Variants in ZSWIM6 observed in about 807,000 individuals in gnomAD.
ZSWIM6 encodes the protein zinc finger SWIM domain-containing protein 6.
ZSWIM6 carries 9 observed loss-of-function variants against 113.2 expected under a neutral mutation model. That is an observed-to-expected ratio of 0.08 (90% CI 0.05 to 0.14). ZSWIM6 has a LOEUF of 0.14. Among genes scored for constraint, ZSWIM6 ranks in the 10% least tolerant of loss-of-function variants. The probability of loss-of-function intolerance (pLI) is 1.00; values close to 1 mark genes in which losing one functional copy is unlikely to be tolerated. For missense variants in ZSWIM6, 1,162 were observed against 1,552.2 expected (o/e 0.75, Z 4.22); for synonymous variants, 611 against 606.5 (o/e 1.01, Z -0.11).
chr5:61,448,003 G>T (rs1035872155), intron 1 of ZSWIM6, among the ~76,000 whole-genome samples: 1 of 152,184 alleles, frequency 6.6e-6, no homozygotes, highest in Non-Finnish European at 1.5e-5. Flanking sequence ...GAGGGGTCTG[G>T]TGTCTCATTA....
At chr5:61,447,731 T>C (rs1307538059) in intron 1 of ZSWIM6, among the ~76,000 whole-genome samples, 1 of 152,170 alleles carries the variant, frequency 6.6e-6, no homozygotes, top group Non-Finnish European at 1.5e-5. Context: ...TGCTAGAGGT[T>C]TGTTTTAGGT....
chr5:61,536,451 A>C (rs752885026), intron 10 of ZSWIM6, among the ~76,000 whole-genome samples: 2 of 152,194 alleles, frequency 1.3e-5, no homozygotes, highest in Admixed American at 6.5e-5. Flanking sequence ...AATTAATAAA[A>C]CACTCCTGTG....
intron 1 of ZSWIM6, among the ~76,000 whole-genome samples, chr5:61,437,341 A>G (rs1746730387): frequency 6.6e-6 from 1 of 152,200 alleles, no homozygotes; most frequent in African/African-American, 2.4e-5. Context: ...CCAGTGGTAC[A>G]GTGCCAGTCA....
At chr5:61,471,104 A>T (rs1027018992) in intron 1 of ZSWIM6, among the ~76,000 whole-genome samples, 2 of 152,214 alleles carry the variant, frequency 1.3e-5, no homozygotes, top group African/African-American at 4.8e-5. Flanking sequence ...TGGAAGAAAC[A>T]GTGGCTAGCT....
At chr5:61,452,549 C>A (rs1175903574) in intron 1 of ZSWIM6, among the ~76,000 whole-genome samples, 2 of 152,138 alleles carry the variant, frequency 1.3e-5, no homozygotes, top group Admixed American at 1.3e-4. Flanking sequence ...TTTGCCACAA[C>A]TAAGTAACCA....
intron 1 of ZSWIM6, among the ~76,000 whole-genome samples, chr5:61,367,036 A>G (rs1745170882): frequency 6.6e-6 from 1 of 152,186 alleles, no homozygotes; most frequent in Admixed American, 6.5e-5. Flanking sequence ...ACCTTTAAAA[A>G]GAAAGAAGAC....
At chr5:61,450,055 G>T (rs954840543) in intron 1 of ZSWIM6, among the ~76,000 whole-genome samples, 2 of 152,114 alleles carry the variant, frequency 1.3e-5, no homozygotes, top group Non-Finnish European at 2.9e-5. Flanking sequence ...GGAAAATTAC[G>T]TGTTCCAAAT....
chr5:61,409,523 G>T (rs1242428203), intron 1 of ZSWIM6, among the ~76,000 whole-genome samples: 4 of 152,118 alleles, frequency 2.6e-5, no homozygotes, highest in African/African-American at 7.2e-5. Context: ...GAAAAATGTG[G>T]GTTCTTGGTA....
At chr5:61,488,429 T>A (rs1431432962) in intron 2 of ZSWIM6, among the ~76,000 whole-genome samples, 1 of 151,992 alleles carries the variant, frequency 6.6e-6, no homozygotes, top group African/African-American at 2.4e-5. Flanking sequence ...TTCAAGACAA[T>A]TAGTATTAGT....
chr5:61,544,313 G>A lies in ZSWIM6; in HGVS notation c.3644G>A (p.Gly1215Asp). The change falls in exon 14 of 14, where the codon GGT (glycine) becomes GAT (aspartate). Residue 1215 changes from glycine (G) to aspartate (D), a missense_variant. Gly to Asp is a moderately conservative substitution (Grantham distance 94). Around this residue, in one of 4 missense-constraint regions of ZSWIM6, gnomAD observed 113 missense variants for 213.8 expected, o/e 0.53. Transcript: ENST00000252744. ...ATGATGTTGGTTCGGGAGAGGTTTG[G>A]TTGATAGATCTTGTATGAATGGGGT... ...KLMMLVRERF[G>D] The A allele has an allele frequency of 1.7e-6, 2 of 1,211,598 alleles. No individual in the cohort carries two copies. The highest frequency in any genetic ancestry group is 2.2e-6 in the Non-Finnish European group (2 of 928,390). The allele number at this position is 1,211,598 out of a possible 1,614,324, so 75.1% of individuals were successfully genotyped here. A position where few individuals can be genotyped will look rare whatever the true frequency, so the allele number is the denominator to read the frequency against.
intron 1 of ZSWIM6, among the ~76,000 whole-genome samples, chr5:61,459,737 T>TA (rs1388488247): frequency 2.0e-5 from 3 of 152,240 alleles, no homozygotes; most frequent in Non-Finnish European, 2.9e-5. Flanking sequence ...TAGGTACTTC[T>TA]AAGTGCCACC....
intron 2 of ZSWIM6, among the ~76,000 whole-genome samples, chr5:61,480,465 C>T (rs758973412): frequency 1.3e-5 from 2 of 152,090 alleles, no homozygotes; most frequent in African/African-American, 2.4e-5. Context: ...TTAGCCTCCA[C>T]GGTGAGGAAA....
chr5:61,532,090 CAATTAAAT>C (rs1326635308), intron 9 of ZSWIM6, among the ~76,000 whole-genome samples: 1 of 152,128 alleles, frequency 6.6e-6, no homozygotes, highest in Admixed American at 6.5e-5. Context: ...TTTCCTTGAT[CAATTAAAT>C]AATAAAACAG....
intron 10 of ZSWIM6, 150 bp downstream of exon 10, chr5:61,535,769 G>C: frequency 9.4e-7 from 1 of 1,061,184 alleles, no homozygotes; most frequent in East Asian, 2.6e-5. Context: ...TTGTGGAGGT[G>C]ATTTGCTTGT....
chr5:61,378,949 G>A (rs964351179), intron 1 of ZSWIM6, among the ~76,000 whole-genome samples: 1 of 151,998 alleles, frequency 6.6e-6, no homozygotes, highest in Non-Finnish European at 1.5e-5. Context: ...GGAGGCTGAG[G>A]CAAGAGGATC....
chr5:61,526,108 A>G lies in ZSWIM6; in HGVS notation c.1690+132A>G, dbSNP rs912526339. The G allele has an allele frequency of 2.5e-5, 35 of 1,415,322 alleles. No homozygotes were observed. In the African/African-American group the frequency reaches 3.9e-4, roughly 16 times the overall value. 87.7% of individuals were successfully genotyped at this position (1,415,322 alleles called of 1,614,324 possible). A position where few individuals can be genotyped will look rare whatever the true frequency, so the allele number is the denominator to read the frequency against. On this transcript the variant is annotated intron_variant, in intron 6 of 13. Coordinates refer to ENST00000252744, the MANE Select transcript of ZSWIM6 (RefSeq NM_020928.2). The stretch of plus-strand genomic sequence containing the variant: ...GATGAATGCTTGGCAATAGGAGCTG[A>G]GATTTTCATTCAAATCCAAGTTCAG...
At chr5:61,446,445 T>C (rs1746954820) in intron 1 of ZSWIM6, among the ~76,000 whole-genome samples, 1 of 152,226 alleles carries the variant, frequency 6.6e-6, no homozygotes, top group Non-Finnish European at 1.5e-5. Flanking sequence ...GGCATTTTCA[T>C]CAATAACTCA....
chr5:61,430,524 C>G (rs1033385409), intron 1 of ZSWIM6, among the ~76,000 whole-genome samples: 1 of 151,972 alleles, frequency 6.6e-6, no homozygotes, highest in Admixed American at 6.6e-5. Context: ...TATCACAAAC[C>G]CATTCAACAC....
chr5:61,407,548 G>A (rs1746068987), intron 1 of ZSWIM6, among the ~76,000 whole-genome samples: 1 of 152,038 alleles, frequency 6.6e-6, no homozygotes, highest in South Asian at 2.1e-4. Context: ...GTCACAAAGA[G>A]CTAATTTTCT....
Sources: gnomAD v4.1 joint callset for allele counts (sites outside exome capture counted in the v4.1 genomes callset) on GRCh38, gnomAD v4.1.1 for gene constraint, gnomAD v4.1.1 regional missense constraint, MANE v1.5 for transcripts, NCBI Gene and HGNC (gene_info 2026-07-23, HGNC 2026-07-21) for gene names.